The following TANGO6 variants were observed in gnomAD, a reference collection of about 807,000 sequenced individuals.
TANGO6 encodes the protein transport and Golgi organization protein 6 homolog.
TANGO6 carries 90 observed loss-of-function variants against 114.2 expected under a neutral mutation model. The observed-to-expected ratio is 0.79, with a 90% CI of 0.66 to 0.94. The LOEUF is 0.94. Among genes scored for constraint, TANGO6 ranks in the 40% least tolerant of loss-of-function variants. The pLI, the probability that TANGO6 is intolerant of heterozygous loss-of-function variation, is 0.00. For missense variants in TANGO6, 1,274 were observed against 1,315.3 expected, an observed-to-expected ratio of 0.97 and a Z score of 0.49; for synonymous variants, 477 against 509.8, an observed-to-expected ratio of 0.94 and a Z score of 0.87.
intron 17 of TANGO6, among the ~76,000 whole-genome samples, chr16:69,062,681 G>A (rs1218049953): frequency 1.3e-5 from 2 of 150,098 alleles, no homozygotes; most frequent in Non-Finnish European, 3.0e-5. Flanking sequence ...CCATGTGGGC[G>A]AGGCTGGTCT....
intron 1 of TANGO6, among the ~76,000 whole-genome samples, chr16:68,855,020 T>C (rs1961962367): frequency 6.7e-6 from 1 of 150,064 alleles, no homozygotes; most frequent in African/African-American, 2.4e-5. Context: ...TTTTTTTTTT[T>C]CCAAGACAGA....
intron 2 of TANGO6, among the ~76,000 whole-genome samples, chr16:68,861,368 C>T (rs974456305): frequency 2.0e-5 from 3 of 152,214 alleles, no homozygotes; most frequent in South Asian, 2.1e-4. Flanking sequence ...TCATCGTTGT[C>T]GTTGTTCCTT....
intron 14 of TANGO6, among the ~76,000 whole-genome samples, chr16:68,963,445 C>A (rs1255402823): frequency 1.3e-5 from 2 of 152,206 alleles, no homozygotes; most frequent in East Asian, 3.8e-4. Flanking sequence ...ACCCTAGTTC[C>A]AATCCCCAGA....
intron 17 of TANGO6, among the ~76,000 whole-genome samples, chr16:69,079,952 G>A (rs1040490605): frequency 3.3e-5 from 5 of 152,210 alleles, no homozygotes; most frequent in African/African-American, 1.2e-4. Context: ...TGGGCACAGT[G>A]GCTTATGCCT....
chr16:68,849,863 G>C (rs1961873776), intron 1 of TANGO6, among the ~76,000 whole-genome samples: 1 of 151,720 alleles, frequency 6.6e-6, no homozygotes, highest in African/African-American at 2.4e-5. Context: ...AAATTATGAA[G>C]CTGACAGAAA....
chr16:69,070,295 G>GAAC (rs1960278877), intron 17 of TANGO6, among the ~76,000 whole-genome samples: 1 of 151,750 alleles, frequency 6.6e-6, no homozygotes, highest in Admixed American at 6.6e-5. Context: ...GTAAGAGGAG[G>GAAC]AACACGTCCA....
intron 15 of TANGO6, among the ~76,000 whole-genome samples, chr16:68,989,164 A>G (rs991848968): frequency 6.6e-6 from 1 of 152,148 alleles, no homozygotes; most frequent in African/African-American, 2.4e-5. Flanking sequence ...CGCCCAGCCC[A>G]TGATTCTTAA....
chr16:68,996,965 GGAAAT>G (rs71692469), intron 15 of TANGO6, among the ~76,000 whole-genome samples: 12,998 of 152,156 alleles, frequency 0.085, 630 homozygotes, highest in African/African-American at 0.12. Flanking sequence ...GGTCCATAGA[GGAAAT>G]GAAATAAAGA....
chr16:68,943,633 G>A (rs1331671540), intron 14 of TANGO6, among the ~76,000 whole-genome samples: 2 of 151,988 alleles, frequency 1.3e-5, no homozygotes, highest in African/African-American at 4.8e-5. Context: ...CCAAAGTGCT[G>A]GGATTACAGG....
In TANGO6 at chr16:69,049,232, A is replaced by G. The variant is rs182325834; in HGVS notation, c.3108+8811A>G. ...AAAGAAACTCCATACTCCACTCCCC[A>G]ATTCTCCTCTTCCCCGTTCTCCTCT... is the stretch of plus-strand genomic sequence containing the variant. On this transcript the variant is annotated intron_variant, in intron 17 of 17. Transcript: ENST00000261778. Among the ~76,000 whole-genome samples the G allele has an allele frequency of 8.5e-4, 128 of 149,810 alleles. 1 individual carries two copies. Among genetic ancestry groups the G allele is most frequent in the African/African-American group, 3.0e-3 (122 of 40,632 alleles).
At chr16:68,875,468 C>T (rs982759429) in intron 5 of TANGO6, among the ~76,000 whole-genome samples, 178 bp downstream of exon 5, 1 of 152,012 alleles carries the variant, frequency 6.6e-6, no homozygotes, top group Middle Eastern at 3.2e-3. Context: ...CCTAATTGTT[C>T]AGTTTAAGAA....
intron 11 of TANGO6, among the ~76,000 whole-genome samples, chr16:68,910,760 T>A (rs550627844): frequency 6.6e-6 from 1 of 152,292 alleles, no homozygotes; most frequent in African/African-American, 2.4e-5. Flanking sequence ...CACTGCAACC[T>A]CCACCTCCTG....
At chr16:68,876,652 C>A (rs1962365713) in intron 5 of TANGO6, among the ~76,000 whole-genome samples, 4 of 152,004 alleles carry the variant, frequency 2.6e-5, no homozygotes, top group Admixed American at 2.6e-4. Context: ...GAAACCCCAA[C>A]TCTACTGAAA....
chr16:68,886,814 A>G lies in TANGO6; in HGVS notation c.1377+6184A>G, dbSNP rs567228595. ...GCATGAGCCATTGCACCTGGCCCAT[A>G]CTTTTTTTTTTGAGATTGAGTCTCA... On this transcript the variant is annotated intron_variant, in intron 7 of 17. Coordinates refer to ENST00000261778, the MANE Select transcript of TANGO6 (RefSeq NM_024562.2). Among the ~76,000 whole-genome samples, 7 of 125,096 alleles carry G rather than the reference A, an allele frequency of 5.6e-5. 1 individual carries two copies. In the South Asian group the frequency reaches 7.6e-4, roughly 14 times the overall value. 82.1% of individuals were successfully genotyped at this position (125,096 alleles called of 152,430 possible).
chr16:68,890,442 G>A (rs80150502), intron 7 of TANGO6, among the ~76,000 whole-genome samples: 9,659 of 152,256 alleles, frequency 0.063, 401 homozygotes, highest in Admixed American at 0.1. Context: ...CTCATTTAAC[G>A]TGTAATTTGG....
intron 15 of TANGO6, among the ~76,000 whole-genome samples, chr16:69,014,905 A>G (rs1959262413): frequency 6.6e-6 from 1 of 151,904 alleles, no homozygotes; most frequent in African/African-American, 2.4e-5. Context: ...CAAAAAAAAA[A>G]AAAAAAGAAA....
chr16:68,897,399 G>A (rs1169013131), intron 7 of TANGO6, among the ~76,000 whole-genome samples: 3 of 152,110 alleles, frequency 2.0e-5, no homozygotes, highest in African/African-American at 7.2e-5. Context: ...TATCTGCAGG[G>A]CTGCAAGTGT....
chr16:68,930,583 A>T (rs1182086678), intron 14 of TANGO6, among the ~76,000 whole-genome samples: 1 of 151,116 alleles, frequency 6.6e-6, no homozygotes, highest in Non-Finnish European at 1.5e-5. Context: ...GTAAAGAATG[A>T]CTCACACATG....
chr16:68,966,265 T>G (rs560698577), intron 14 of TANGO6, among the ~76,000 whole-genome samples: 1 of 152,140 alleles, frequency 6.6e-6, no homozygotes, highest in Admixed American at 6.5e-5. Flanking sequence ...GGCTCACGCC[T>G]GTAACCCCAG....
Sources: allele counts gnomAD v4.1 joint callset (sites outside exome capture counted in the v4.1 genomes callset), GRCh38; gene constraint gnomAD v4.1.1; transcripts MANE v1.5; gene names NCBI Gene and HGNC (gene_info 2026-07-23, HGNC 2026-07-21).